ZDHHC8: variants seen among roughly 807,000 people sequenced by gnomAD.
The protein encoded by ZDHHC8 is palmitoyltransferase ZDHHC8.
ZDHHC8 carries 24 observed loss-of-function variants against 61.2 expected under a neutral mutation model. That is an observed-to-expected ratio of 0.39 (90% confidence interval 0.28 to 0.55). ZDHHC8 has a LOEUF of 0.55. Among genes scored for constraint, ZDHHC8 ranks in the 20% least tolerant of loss-of-function variants. The pLI, the probability that ZDHHC8 is intolerant of heterozygous loss-of-function variation, is 0.60. For missense variants in ZDHHC8, 935 were observed against 1,102.1 expected, an observed-to-expected ratio of 0.85 and a Z score of 2.15; for synonymous variants, 523 against 492.5, an observed-to-expected ratio of 1.06 and a Z score of -0.82.
intron 1 of ZDHHC8, among the ~76,000 whole-genome samples, chr22:20,132,575 C>G (rs966312718): frequency 2.0e-5 from 3 of 152,238 alleles, no homozygotes; most frequent in Non-Finnish European, 4.4e-5. Context: ...CGGGCCTGGC[C>G]CTTGGCCTCC....
In ZDHHC8 at chr22:20,147,010, G is replaced by A. The variant is rs2050532881; in HGVS notation, c.*1610G>A. 3.6e-6 allele frequency: 5 copies of A among 1,401,116 alleles called. No individual in the cohort carries two copies. The highest frequency in any genetic ancestry group is 2.5e-4 in the Middle Eastern group (1 of 3,942). The allele number at this position is 1,401,116 out of a possible 1,614,324, so 86.8% of individuals were successfully genotyped here. ...TTTCTGCTTCTCTCTCACGGACGCCGCGGCCCGCAGGGGGCGGATTGGCAC... is the reference window on the plus strand; with the variant it reads ...TTTCTGCTTCTCTCTCACGGACGCCACGGCCCGCAGGGGGCGGATTGGCAC... On this transcript the variant is annotated 3_prime_UTR_variant, in exon 11 of 11. Transcript: ENST00000334554.
chr22:20,144,480 A>G (rs1230980638), intron 10 of ZDHHC8, among the ~76,000 whole-genome samples: 2 of 152,228 alleles, frequency 1.3e-5, no homozygotes, highest in Non-Finnish European at 2.9e-5. Context: ...CGGGCCTGGA[A>G]ACCTCAAGCA....
At position 20,140,571 on chromosome 22, in the gene ZDHHC8, C is replaced by A. The variant is rs2050459236; in HGVS notation, c.661-46C>A. The A allele has an allele frequency of 1.9e-6, 3 of 1,539,878 alleles. No homozygotes were observed. The East Asian group carries it at 7.0e-5, about 36-fold the overall frequency. On this transcript the variant is annotated intron_variant, in intron 5 of 10. Coordinates refer to ENST00000334554, the MANE Select transcript of ZDHHC8 (RefSeq NM_013373.4). ...TTGCCCAGCCCCCTGCCCACCCTGG[C>A]CTGGACCTTGGGAGGCCAGGCTGGC...
In ZDHHC8 at chr22:20,146,793, G is replaced by A; in HGVS notation, c.*1393G>A. On this transcript the variant is annotated 3_prime_UTR_variant, in exon 11 of 11. Coordinates refer to ENST00000334554, the MANE Select transcript of ZDHHC8 (RefSeq NM_013373.4). ...TGGGGAGATGAAATGGGGGTGCATA[G>A]GGGCCACCTGTTGGCTCAGGGCCCT... is the stretch of plus-strand genomic sequence containing the variant. 4 of 1,235,366 alleles carry A rather than the reference G, an allele frequency of 3.2e-6. No individual in the cohort carries two copies. The highest frequency in any genetic ancestry group is 4.0e-6 in the Non-Finnish European group (4 of 990,080). The allele number at this position is 1,235,366 out of a possible 1,614,324, so 76.5% of individuals were successfully genotyped here. A position where few individuals can be genotyped will look rare whatever the true frequency, so the allele number is the denominator to read the frequency against.
At position 20,147,196 on chromosome 22, in the gene ZDHHC8, G is replaced by T; in HGVS notation, c.*1796G>T. The T allele has an allele frequency of 6.6e-7, 1 of 1,508,646 alleles. No homozygotes were observed. Among genetic ancestry groups the T allele is most frequent in the Non-Finnish European group, 8.9e-7 (1 of 1,126,512 alleles). 93.5% of individuals were successfully genotyped at this position (1,508,646 alleles called of 1,614,324 possible). On this transcript the variant is annotated 3_prime_UTR_variant, in exon 11 of 11. Coordinates refer to ENST00000334554, the MANE Select transcript of ZDHHC8 (RefSeq NM_013373.4). ...GGCCATGTGCCGCCTGCACTTGGCT[G>T]CCTCCAGTCTTTTCCCCAGCCTCTC...
At position 20,140,606 on chromosome 22, in the gene ZDHHC8, T is replaced by G; in HGVS notation, c.661-11T>G. 1.3e-6 allele frequency: 2 copies of G among 1,596,290 alleles called. No homozygotes were observed. Among genetic ancestry groups the G allele is most frequent in the Non-Finnish European group, 1.7e-6 (2 of 1,171,820 alleles). ...GGGAGGCCAGGCTGGCTGAGGGTCC[T>G]GCATCCACAGGTGACTGGGAAGTTC... On this transcript the variant is annotated splice_polypyrimidine_tract_variant and intron_variant, in intron 5 of 10. Coordinates refer to ENST00000334554, the MANE Select transcript of ZDHHC8 (RefSeq NM_013373.4).
chr22:20,138,799 C>A (rs536481861), intron 1 of ZDHHC8, among the ~76,000 whole-genome samples: 2 of 152,268 alleles, frequency 1.3e-5, no homozygotes, highest in East Asian at 3.9e-4. Flanking sequence ...GGGCCAGGGA[C>A]AGGCCTGGAT....
chr22:20,140,836 G>C, intron 6 of ZDHHC8, 35 bp from the exon 7 acceptor site: 1 of 1,598,092 alleles, frequency 6.3e-7, no homozygotes, highest in Non-Finnish European at 8.5e-7. Context: ...TTTGTGGCAG[G>C]TGGGCTGGCT....
chr22:20,140,364 G>A, intron 5 of ZDHHC8, 147 bp downstream of exon 5: 1 of 878,916 alleles, frequency 1.1e-6, no homozygotes, highest in Non-Finnish European at 1.7e-6. Flanking sequence ...CCCCCACGTG[G>A]GGCTACGCCT....
intron 1 of ZDHHC8, among the ~76,000 whole-genome samples, chr22:20,133,032 T>A (rs2050390903): frequency 6.6e-6 from 1 of 152,236 alleles, no homozygotes; most frequent in Non-Finnish European, 1.5e-5. Context: ...AGGTAGGGGC[T>A]GCCTGGCGCT....
chr22:20,132,070 T>TG lies in ZDHHC8; in HGVS notation c.104+24dup. 2.4e-6 allele frequency: 3 copies of TG among 1,264,124 alleles called. No homozygotes were observed. Among genetic ancestry groups the TG allele is most frequent in the South Asian group, 3.6e-5 (2 of 55,702 alleles). The allele number at this position is 1,264,124 out of a possible 1,614,324, so 78.3% of individuals were successfully genotyped here. A position where few individuals can be genotyped will look rare whatever the true frequency, so the allele number is the denominator to read the frequency against. Reference sequence around the variant, plus strand: ...TGTTCACGTGAGTCGGCGCCGCGTCTGGGGGCACGCGGGCAGCGATGGGCA... The same window carrying TG: ...TGTTCACGTGAGTCGGCGCCGCGTCTGGGGGGCACGCGGGCAGCGATGGGCA... On this transcript the variant is annotated intron_variant, in intron 1 of 10. Coordinates refer to ENST00000334554, the MANE Select transcript of ZDHHC8 (RefSeq NM_013373.4).
Position 20,142,773 on chromosome 22 carries a change from C to G in ZDHHC8, c.1143C>G (p.Ser381=), listed in dbSNP as rs2148008427. 1 of 1,612,616 alleles carries G rather than the reference C, an allele frequency of 6.2e-7. No homozygotes were observed. The highest frequency in any genetic ancestry group is 1.1e-5 in the South Asian group (1 of 91,078). The change falls in exon 10 of 11, where the codon TCC becomes TCG. Residue 381 remains serine, a synonymous_variant. Transcript: ENST00000334554. Reference sequence around the variant, plus strand: ...CCCTACAGGTTCCAGGCCCTGATTCCCTGACCCTGGGGGACGACAGCATCC... The same window carrying G: ...CCCTACAGGTTCCAGGCCCTGATTCGCTGACCCTGGGGGACGACAGCATCC... ...GPGEQVPGPD[S]LTLGDDSIRS... is the part of the protein sequence containing the mutation.
In ZDHHC8 at chr22:20,140,714, G is replaced by T. The variant is rs1376873085; in HGVS notation, c.752+6G>T. On this transcript the variant is annotated splice_donor_region_variant and intron_variant, in intron 6 of 10. Coordinates refer to ENST00000334554, the MANE Select transcript of ZDHHC8 (RefSeq NM_013373.4). ...TGTAGCCCCCTGGCGCCCCGGTGAG[G>T]CCCGGCCTGGGCAGGGTGGAGGGGG... 1.2e-6 allele frequency: 2 copies of T among 1,608,726 alleles called. No individual in the cohort carries two copies. The highest frequency in any genetic ancestry group is 1.7e-6 in the Non-Finnish European group (2 of 1,178,454).
intron 1 of ZDHHC8, among the ~76,000 whole-genome samples, chr22:20,134,048 G>A (rs2050400764): frequency 6.6e-6 from 1 of 152,240 alleles, no homozygotes; most frequent in East Asian, 1.9e-4. Context: ...GGCGACACCA[G>A]CAGTCTTGAG....
Position 20,143,478 on chromosome 22 carries a change from C to A in ZDHHC8, c.1848C>A (p.Phe616Leu). Reference protein sequence around the residue: ...SRDDLVAGPGFGGARNPALQT... With the variant: ...SRDDLVAGPGLGGARNPALQT... The stretch of plus-strand genomic sequence containing the variant: ...ACGACCTTGTGGCTGGGCCCGGCTT[C>A]GGTGGCGCCCGCAACCCTGCCCTGC... The change falls in exon 10 of 11, where the codon TTC becomes TTA. Residue 616 changes from phenylalanine (F) to leucine (L), a missense_variant. Phe to Leu is a conservative substitution (Grantham distance 22). Around this residue, in one of 3 missense-constraint regions of ZDHHC8, gnomAD observed 692 missense variants for 731.4 expected, o/e 0.95. Transcript: ENST00000334554. The A allele has an allele frequency of 6.2e-7, 1 of 1,600,128 alleles. No individual in the cohort carries two copies. Among genetic ancestry groups the A allele is most frequent in the Non-Finnish European group, 8.5e-7 (1 of 1,179,314 alleles).
intron 5 of ZDHHC8, 198 bp from the exon 6 acceptor site, chr22:20,140,417 ACC>A: frequency 1.3e-6 from 1 of 779,958 alleles, no homozygotes; most frequent in East Asian, 2.7e-5. Context: ...CACTGTGGCC[ACC>A]AGTGACCCAG....
rs7290959 is a variant in ZDHHC8, at chr22:20,147,688, T to C, written c.*2288T>C. ...CCACCAGCCTGGTGAGCCATTGGCC[T>C]CTGCCTGCCACCAAGGTCCTGTGGT... On this transcript the variant is annotated 3_prime_UTR_variant, in exon 11 of 11. Coordinates refer to ENST00000334554, the MANE Select transcript of ZDHHC8 (RefSeq NM_013373.4). 0.28 allele frequency: 43,719 copies of C among 154,494 alleles called. 6,460 individuals are homozygous for C. Among genetic ancestry groups the C allele is most frequent in the African/African-American group, 0.36 (14,965 of 41,590 alleles). 9.6% of individuals were successfully genotyped at this position (154,494 alleles called of 1,614,324 possible).
intron 5 of ZDHHC8, 161 bp downstream of exon 5, chr22:20,140,378 C>CCGT (rs2050457613): frequency 1.2e-6 from 1 of 809,392 alleles, no homozygotes; most frequent in African/African-American, 1.7e-5. Flanking sequence ...TACGCCTGCC[C>CCGT]CGTCCCCTGC....
chr22:20,145,423 C>A lies in ZDHHC8; in HGVS notation c.*23C>A. Reference sequence around the variant, plus strand: ...TGAGGACTGACTGCCACACATCCGCCATGGTGCCACGGGGACCAGGACCCC... The same window carrying A: ...TGAGGACTGACTGCCACACATCCGCAATGGTGCCACGGGGACCAGGACCCC... On this transcript the variant is annotated 3_prime_UTR_variant, in exon 11 of 11. Coordinates refer to ENST00000334554, the MANE Select transcript of ZDHHC8 (RefSeq NM_013373.4). 1 of 1,475,174 alleles carries A rather than the reference C, an allele frequency of 6.8e-7. No homozygotes were observed. Among genetic ancestry groups the A allele is most frequent in the South Asian group, 1.3e-5 (1 of 74,752 alleles). 91.4% of individuals were successfully genotyped at this position (1,475,174 alleles called of 1,614,324 possible).
Sources: allele counts gnomAD v4.1 joint callset (sites outside exome capture counted in the v4.1 genomes callset), GRCh38; gene constraint gnomAD v4.1.1; regional missense constraint gnomAD v4.1.1; transcripts MANE v1.5; gene names NCBI Gene and HGNC (gene_info 2026-07-23, HGNC 2026-07-21).